Variants in PRRX1 observed in about 807,000 individuals in gnomAD.
PRRX1 encodes paired related homeobox 1.
In PRRX1, 8 loss-of-function variants were observed where a neutral mutation model predicts 24.0. The ratio of observed to expected loss-of-function variants is 0.33; its 90% CI spans 0.20 to 0.60. The LOEUF (loss-of-function observed/expected upper bound fraction) is 0.60, where lower values mean the gene tolerates loss of function less well. Ranked by LOEUF, PRRX1 falls within the 20% of genes least tolerant of loss-of-function variation. PRRX1 has a pLI of 0.82. For missense variants in PRRX1, 281 were observed against 322.4 expected (o/e 0.87, Z 0.98); for synonymous variants, 160 against 131.7 (o/e 1.22, Z -1.47).
At position 170,726,357 on chromosome 1, in the gene PRRX1, G is replaced by A. The variant is rs763555813; in HGVS notation, c.555G>A (p.Pro185=). 1.9e-6 allele frequency: 3 copies of A among 1,614,030 alleles called. No individual in the cohort carries two copies. The highest frequency in any genetic ancestry group is 8.5e-7 in the Non-Finnish European group (1 of 1,180,002). Residue 185 remains proline (P), a synonymous_variant, in exon 3 of 4, where the codon CCG becomes CCA. Coordinates refer to ENST00000239461, the MANE Select transcript of PRRX1 (RefSeq NM_022716.4). ...AGCCCATCGTACCTCGTCCTGCTCC[G>A]AGACCCACCGATTATCTCTCCTGGG... ...VEQPIVPRPA[P]RPTDYLSWGT...
chr1:170,684,134 G>A (rs1323179678), intron 1 of PRRX1, among the ~76,000 whole-genome samples: 1 of 152,098 alleles, frequency 6.6e-6, no homozygotes, highest in Non-Finnish European at 1.5e-5. Flanking sequence ...CTGCTCCTGG[G>A]GTCATAGATC....
At chr1:170,687,118 T>TTCTC (rs201455221) in intron 1 of PRRX1, among the ~76,000 whole-genome samples, 2 of 150,542 alleles carry the variant, frequency 1.3e-5, no homozygotes. Context: ...CATTTAGGAT[T>TTCTC]TCTCTCTCTC....
At chr1:170,686,177 T>TAAAAAAA (rs768362007) in intron 1 of PRRX1, among the ~76,000 whole-genome samples, 2 of 60,608 alleles carry the variant, frequency 3.3e-5, no homozygotes, top group African/African-American at 1.4e-4. Flanking sequence ...TAGTTAAGGG[T>TAAAAAAA]ACAAAAAAAA....
chr1:170,695,731 C>T (rs1229912611), intron 1 of PRRX1, among the ~76,000 whole-genome samples: 1 of 152,178 alleles, frequency 6.6e-6, no homozygotes, highest in African/African-American at 2.4e-5. Context: ...CCTGCCCTCA[C>T]TCTCACACAC....
intron 1 of PRRX1, among the ~76,000 whole-genome samples, chr1:170,676,300 G>A (rs924079538): frequency 1.3e-5 from 2 of 151,186 alleles, no homozygotes; most frequent in African/African-American, 2.4e-5. Flanking sequence ...CAGAATATAC[G>A]GACTGCTATT....
intron 1 of PRRX1, among the ~76,000 whole-genome samples, chr1:170,693,729 C>T (rs1357452773): frequency 6.6e-6 from 1 of 151,864 alleles, no homozygotes; most frequent in African/African-American, 2.4e-5. Context: ...GAAGTTGGAT[C>T]GAAAAGATGA....
intron 1 of PRRX1, among the ~76,000 whole-genome samples, chr1:170,707,325 T>C (rs1654602137): frequency 1.3e-5 from 2 of 151,550 alleles, no homozygotes; most frequent in South Asian, 4.2e-4. Context: ...TAGAACAAAG[T>C]GAAGGAGCCC....
chr1:170,720,714 C>T (rs1176426188), intron 2 of PRRX1, among the ~76,000 whole-genome samples: 1 of 152,160 alleles, frequency 6.6e-6, no homozygotes, highest in Non-Finnish European at 1.5e-5. Flanking sequence ...GTTAAGAGCA[C>T]ACTTAAGTGG....
chr1:170,664,108 C>CTCTCTCTCTCTCTCTCTCA, upstream of PRRX1: 3 of 636,246 alleles, frequency 4.7e-6, no homozygotes, highest in Non-Finnish European at 7.0e-6. Flanking sequence ...TCTCTCTCTC[C>CTCTCTCTCTCTCTCTCTCA]ACTACCCCCC....
chr1:170,686,772 GTTTC>G (rs1185174608), intron 1 of PRRX1, among the ~76,000 whole-genome samples: 9 of 147,854 alleles, frequency 6.1e-5, no homozygotes, highest in Non-Finnish European at 1.1e-4. Flanking sequence ...ACACTCCAGA[GTTTC>G]TTTATTTCCT....
chr1:170,665,668 T>C (rs1208767891), intron 1 of PRRX1, among the ~76,000 whole-genome samples: 2 of 152,212 alleles, frequency 1.3e-5, no homozygotes, highest in Non-Finnish European at 2.9e-5. Flanking sequence ...AAACTGCACA[T>C]AGAAACAATT....
Position 170,737,979 on chromosome 1 carries a change from AC to A in PRRX1, c.*1795del. On this transcript the variant is annotated 3_prime_UTR_variant, in exon 4 of 4. Transcript: ENST00000239461. ...CCTTGTTTTCTAGTAAGAAAATGCT[AC>A]CTTGCTGTACATACTTATAACCTTG... 4.6e-6 allele frequency: 1 copy of A among 218,516 alleles called. No homozygotes were observed. The highest frequency in any genetic ancestry group is 9.2e-6 in the Non-Finnish European group (1 of 108,466). 13.5% of individuals were successfully genotyped at this position (218,516 alleles called of 1,614,324 possible).
At chr1:170,670,747 T>A (rs1010543536) in intron 1 of PRRX1, among the ~76,000 whole-genome samples, 2 of 152,020 alleles carry the variant, frequency 1.3e-5, no homozygotes, top group African/African-American at 4.8e-5. Context: ...GGGAGGGGAA[T>A]TAAGGCACAA....
intron 1 of PRRX1, chr1:170,667,951 G>C (rs186580412): frequency 3.3e-5 from 5 of 152,100 alleles, no homozygotes; most frequent in African/African-American, 1.2e-4. Flanking sequence ...ATTCTCTAAA[G>C]TGAGGGCTTC....
intron 1 of PRRX1, among the ~76,000 whole-genome samples, chr1:170,714,975 C>A (rs965402960): frequency 6.6e-6 from 1 of 151,994 alleles, no homozygotes; most frequent in African/African-American, 2.4e-5. Flanking sequence ...TCTTTTAGTA[C>A]CTCTTTCTTG....
intron 1 of PRRX1, among the ~76,000 whole-genome samples, chr1:170,700,327 T>C (rs1319568921): frequency 6.6e-6 from 1 of 152,120 alleles, no homozygotes. Context: ...TTACTGCAGG[T>C]TCTACTATAG....
At chr1:170,707,498 C>T (rs1654607915) in intron 1 of PRRX1, among the ~76,000 whole-genome samples, 2 of 152,172 alleles carry the variant, frequency 1.3e-5, no homozygotes, top group Admixed American at 1.3e-4. Context: ...TGATTTAATG[C>T]AAACACTGTG....
chr1:170,738,857 G>A lies in PRRX1; in HGVS notation c.*2671G>A, dbSNP rs1405876171. The A allele has an allele frequency of 8.7e-6, 2 of 229,288 alleles. No homozygotes were observed. The highest frequency in any genetic ancestry group is 1.7e-5 in the Non-Finnish European group (2 of 115,704). The allele number at this position is 229,288 out of a possible 1,614,324, so 14.2% of individuals were successfully genotyped here. On this transcript the variant is annotated 3_prime_UTR_variant, in exon 4 of 4. Coordinates refer to ENST00000239461, the MANE Select transcript of PRRX1 (RefSeq NM_022716.4). Reference sequence around the variant, plus strand: ...TGGGTGGTTTTATCCAATGTCTCAAGCAAGCAATGTCTGGGAATATCATAG... The same window carrying A: ...TGGGTGGTTTTATCCAATGTCTCAAACAAGCAATGTCTGGGAATATCATAG...
intron 1 of PRRX1, among the ~76,000 whole-genome samples, chr1:170,670,972 A>G (rs968549092): frequency 1.3e-5 from 2 of 152,144 alleles, no homozygotes; most frequent in African/African-American, 4.8e-5. Context: ...TAGCTGTTCC[A>G]CGTAATGAAG....
Sources: gnomAD v4.1 joint callset for allele counts (sites outside exome capture counted in the v4.1 genomes callset) on GRCh38, gnomAD v4.1.1 for gene constraint, MANE v1.5 for transcripts, NCBI Gene and HGNC (gene_info 2026-07-23, HGNC 2026-07-21) for gene names.